The following NOL8 variants were observed in gnomAD, a reference collection of about 807,000 sequenced individuals.
The protein encoded by NOL8 is nucleolar protein 8, also known as nucleolar protein Nop132.
Under a neutral mutation model 116.1 loss-of-function variants are expected in NOL8, and 93 were observed. The ratio of observed to expected loss-of-function variants is 0.80; its 90% CI spans 0.68 to 0.95. The LOEUF is 0.95. NOL8 is among the 40% of genes least tolerant of loss of function. The pLI is 0.00. For synonymous variants in NOL8, 419 were observed against 469.0 expected (o/e 0.89, Z 1.38); for missense variants, 1,291 against 1,382.8 (o/e 0.93, Z 1.05).
At position 92,315,403 on chromosome 9, in the gene NOL8, T is replaced by A. The variant is rs746680167; in HGVS notation, c.1222A>T (p.Lys408Ter). 11 of 1,592,008 alleles carry A rather than the reference T, an allele frequency of 6.9e-6. No homozygotes were observed. Among genetic ancestry groups the A allele is most frequent in the South Asian group, 1.1e-5 (1 of 88,642 alleles). The change falls in exon 7 of 17, where the codon AAG becomes TAG. Residue 408 changes from lysine (K) to a stop codon, truncating the protein, a stop_gained. Transcript: ENST00000442668. LOFTEE classifies it high-confidence loss of function. ...TEFSQMEKST[K>*]KTSFKNRENC... Reference sequence around the variant, plus strand: ...TCTCTATTTTTGAAAGAAGTTTTCTTCGTAGATTTTTCCATTTGTGAAAAT... The same window carrying A: ...TCTCTATTTTTGAAAGAAGTTTTCTACGTAGATTTTTCCATTTGTGAAAAT...
chr9:92,320,854 G>A (rs1182860194), intron 4 of NOL8, among the ~76,000 whole-genome samples: 3 of 152,066 alleles, frequency 2.0e-5, no homozygotes, highest in Admixed American at 6.5e-5. Flanking sequence ...TGATCCACCC[G>A]CCTCGGCCTC....
chr9:92,319,261 TG>T lies in NOL8; in HGVS notation c.376del (p.His126IlefsTer2). ...LLEKTGGVDF[H>X]MKAVPGTEVP... is the part of the protein sequence containing the mutation. Reference sequence around the variant, plus strand: ...TTCTGTCCCTGGCACAGCTTTCATATGGAAATCCACTCCTCCTGTCTTTTCT... The same window carrying T: ...TTCTGTCCCTGGCACAGCTTTCATATGAAATCCACTCCTCCTGTCTTTTCT... On this transcript the variant is annotated frameshift_variant, in exon 5 of 17. Transcript: ENST00000442668. LOFTEE classifies it high-confidence loss of function. 6.3e-7 allele frequency: 1 copy of T among 1,590,578 alleles called. No homozygotes were observed. The highest frequency in any genetic ancestry group is 8.5e-7 in the Non-Finnish European group (1 of 1,170,940).
At chr9:92,311,676 C>A (rs559422942) in intron 7 of NOL8, among the ~76,000 whole-genome samples, 16 of 152,230 alleles carry the variant, frequency 1.1e-4, no homozygotes, top group African/African-American at 3.9e-4. Context: ...GTCAAAATGG[C>A]TATTACTAAA....
rs750508885 is a variant in NOL8 at position 92,305,751 on chromosome 9, A to T, written c.2903+2T>A. The T allele has an allele frequency of 6.3e-7, 1 of 1,593,956 alleles. No individual in the cohort carries two copies. Among genetic ancestry groups the T allele is most frequent in the Non-Finnish European group, 8.6e-7 (1 of 1,162,314 alleles). On this transcript the variant is annotated splice_donor_variant, in intron 12 of 16. Transcript: ENST00000442668. LOFTEE classifies it high-confidence loss of function. ...ATTGCTAAAAGAAGTAGCTCTACTT[A>T]CCTTTCTTTTGGCTTATCATCTCTT... is the stretch of plus-strand genomic sequence containing the variant.
In NOL8 at chr9:92,319,226, G is replaced by GCCCTGGCACTTCTGT; in HGVS notation, c.397_411dup (p.Thr133_Gly137dup). On this transcript the variant is annotated inframe_insertion, in exon 5 of 17. Coordinates refer to ENST00000442668, the MANE Select transcript of NOL8 (RefSeq NM_017948.6). ...AGGCTACAGAGGAGACTCACCTTAT[G>GCCCTGGCACTTCTGT]CCCTGGCACTTCTGTCCCTGGCACA... 6.4e-7 allele frequency: 1 copy of GCCCTGGCACTTCTGT among 1,560,674 alleles called. No homozygotes were observed. The highest frequency in any genetic ancestry group is 1.2e-5 in the South Asian group (1 of 82,740).
rs1472502453 is a variant in NOL8 at position 92,316,019 on chromosome 9, C to T, written c.606G>A (p.Met202Ile). Residue 202 changes from methionine (M) to isoleucine (I), a missense_variant, in exon 7 of 17, where the codon ATG becomes ATA. Transcript: ENST00000442668. ...TWELEGGNDP[M>I]SKKRRGEFSD... Reference sequence around the variant, plus strand: ...AGAACTCTCCTCGCCGTTTCTTACTCATAGGGTCATTCCCTCCTTCTAATT... The same window carrying T: ...AGAACTCTCCTCGCCGTTTCTTACTTATAGGGTCATTCCCTCCTTCTAATT... The T allele has an allele frequency of 3.7e-6, 6 of 1,613,926 alleles. No homozygotes were observed. In the South Asian group the frequency reaches 6.6e-5, roughly 18 times the overall value.
chr9:92,310,389 C>G (rs1838666000), intron 9 of NOL8, 128 bp from the exon 10 acceptor site: 1 of 1,155,064 alleles, frequency 8.7e-7, no homozygotes, highest in Non-Finnish European at 1.3e-6. Flanking sequence ...CTACCTCCAT[C>G]TACTTATGAA....
intron 12 of NOL8, 92 bp from the exon 13 acceptor site, chr9:92,301,914 T>C (rs899935680): frequency 9.6e-7 from 1 of 1,046,716 alleles, no homozygotes; most frequent in South Asian, 1.7e-5. Flanking sequence ...TGGACAACTT[T>C]AATTCTATCC....
At chr9:92,313,875 C>A (rs993691728) in intron 7 of NOL8, among the ~76,000 whole-genome samples, 1 of 152,196 alleles carries the variant, frequency 6.6e-6, no homozygotes, top group African/African-American at 2.4e-5. Flanking sequence ...GAGCCAAAAA[C>A]TGTATGAAAG....
In NOL8 at chr9:92,316,005, C is replaced by A; in HGVS notation, c.620G>T (p.Arg207Leu). The A allele has an allele frequency of 6.2e-7, 1 of 1,613,962 alleles. No individual in the cohort carries two copies. Among genetic ancestry groups the A allele is most frequent in the Non-Finnish European group, 8.5e-7 (1 of 1,179,894 alleles). The part of the protein sequence containing the change: ...GGNDPMSKKR[R>L]GEFSDFHGPP... ...GCCATGAAAGTCAGAGAACTCTCCT[C>A]GCCGTTTCTTACTCATAGGGTCATT... Residue 207 changes from arginine (R) to leucine (L), a missense_variant, in exon 7 of 17, where the codon CGA becomes CTA. Arg to Leu is a moderately radical substitution (Grantham distance 102). Coordinates refer to ENST00000442668, the MANE Select transcript of NOL8 (RefSeq NM_017948.6).
intron 5 of NOL8, chr9:92,318,911 G>A: frequency 2.0e-6 from 1 of 509,150 alleles, no homozygotes; most frequent in Non-Finnish European, 3.4e-6. Context: ...GTGTAAGATG[G>A]TTTACAAAAA....
intron 12 of NOL8, among the ~76,000 whole-genome samples, chr9:92,305,310 G>T (rs1838130822): frequency 6.6e-6 from 1 of 152,144 alleles, no homozygotes; most frequent in African/African-American, 2.4e-5. Context: ...CAAAGGATTG[G>T]TGGCAGTCAC....
intron 9 of NOL8, 83 bp downstream of exon 9, chr9:92,310,470 C>A: frequency 6.9e-7 from 1 of 1,442,886 alleles, no homozygotes; most frequent in Non-Finnish European, 9.4e-7. Flanking sequence ...AGGTTAAGGT[C>A]TGCCTGCATT....
chr9:92,298,793 T>C (rs550312005), intron 15 of NOL8, 91 bp downstream of exon 15: 19 of 723,200 alleles, frequency 2.6e-5, no homozygotes, highest in African/African-American at 2.5e-4. Context: ...CCACATGACA[T>C]TACCAACGGT....
chr9:92,311,214 C>T lies in NOL8; in HGVS notation c.2404G>A (p.Asp802Asn), dbSNP rs747078132. The change falls in exon 8 of 17, where the codon GAC (aspartate) becomes AAC (asparagine). Residue 802 changes from aspartate (D) to asparagine (N), a missense_variant. Physicochemically the swap from Asp to Asn is conservative, Grantham distance 23 (BLOSUM62 1). Transcript: ENST00000442668. The stretch of plus-strand genomic sequence containing the variant: ...GTCTCCTCTGTTTCACATTCACTGT[C>T]AGAACCGAAGATGATGTGCGTTGGC... Reference protein sequence around the residue: ...DKPTHIIFGSDSECETEETST... With the variant: ...DKPTHIIFGSNSECETEETST... The T allele has an allele frequency of 6.2e-7, 1 of 1,613,778 alleles. No homozygotes were observed. The highest frequency in any genetic ancestry group is 1.7e-5 in the Admixed American group (1 of 59,986).
intron 6 of NOL8, 82 bp from the exon 7 acceptor site, chr9:92,316,220 T>C: frequency 1.4e-6 from 2 of 1,417,344 alleles, no homozygotes; most frequent in Non-Finnish European, 1.9e-6. Flanking sequence ...TATTGCTTAA[T>C]CTCAAATAAG....
chr9:92,300,135 C>A, intron 13 of NOL8, 119 bp from the exon 14 acceptor site: 2 of 1,399,818 alleles, frequency 1.4e-6, no homozygotes, highest in East Asian at 2.5e-5. Context: ...ATATGTTAAT[C>A]ATTAATTTAA....
At chr9:92,317,795 G>A (rs1362567705) in intron 6 of NOL8, among the ~76,000 whole-genome samples, 3 of 151,984 alleles carry the variant, frequency 2.0e-5, no homozygotes, top group Non-Finnish European at 1.5e-5. Context: ...AGCTCTTTGG[G>A]AGGCCAAGGT....
intron 7 of NOL8, among the ~76,000 whole-genome samples, chr9:92,312,847 AAG>A (rs1838963467): frequency 6.6e-6 from 1 of 150,616 alleles, no homozygotes; most frequent in Non-Finnish European, 1.5e-5. Flanking sequence ...AAAAAAAAAA[AAG>A]AAAAGAAAAA....
Sources: gnomAD v4.1 joint callset for allele counts (sites outside exome capture counted in the v4.1 genomes callset) on GRCh38, gnomAD v4.1.1 for gene constraint, MANE v1.5 for transcripts, NCBI Gene and HGNC (gene_info 2026-07-23, HGNC 2026-07-21) for gene names.